HSPG2: variants seen among roughly 807,000 people sequenced by gnomAD.
HSPG2 encodes heparan sulfate proteoglycan 2.
In HSPG2, 278 loss-of-function variants were observed where a neutral mutation model predicts 526.6. That is an observed-to-expected ratio of 0.53 (90% CI 0.48 to 0.58). HSPG2 has a LOEUF of 0.58. Among genes scored for constraint, HSPG2 ranks in the 20% least tolerant of loss-of-function variants. The pLI, the probability that HSPG2 is intolerant of heterozygous loss-of-function variation, is 0.00. For synonymous variants in HSPG2, 2,465 were observed against 2,555.4 expected, an observed-to-expected ratio of 0.96 and a Z score of 1.07; for missense variants, 5,354 against 6,099.5, an observed-to-expected ratio of 0.88 and a Z score of 4.07.
Position 21,904,411 on chromosome 1 carries a change from G to A in HSPG2, c.64-8101C>T, listed in dbSNP as rs542235601. ...GGAAGCCTGGTGCAGCGGGACACGC[G>A]TGTGAGTGGCAGAGGAGTCAAAGGG... On this transcript the variant is annotated intron_variant, in intron 1 of 96. Transcript: ENST00000374695. This position sits in a 1 kb window ranked among gnomAD's most constrained non-coding sequence, Gnocchi z 4.4. Among the ~76,000 whole-genome samples the A allele has an allele frequency of 1.6e-4, 25 of 152,172 alleles. No homozygotes were observed. The highest frequency in any genetic ancestry group is 2.5e-4 in the Non-Finnish European group (17 of 68,030).
chr1:21,883,340 T>G (rs1641645067), intron 13 of HSPG2, among the ~76,000 whole-genome samples: 1 of 152,204 alleles, frequency 6.6e-6, no homozygotes. Context: ...TTTTTAGGGA[T>G]GGGGTCTCAC....
In HSPG2 at chr1:21,874,951, G is replaced by A. The variant is rs1320892158; in HGVS notation, c.3354C>T (p.Asp1118=). The change falls in exon 26 of 97, where the codon GAC becomes GAT. Residue 1118 remains aspartate (D), a synonymous_variant. Transcript: ENST00000374695. The part of the protein sequence containing the change: ...DVAVPEETGQ[D]PALEVEQCSC... ...AGCACTGTTCCACTTCCAGCGCGGG[G>A]TCCTGGCCGGTTTCCTCGGGCACAG... The A allele has an allele frequency of 1.2e-6, 2 of 1,611,774 alleles. No homozygotes were observed. The highest frequency in any genetic ancestry group is 4.5e-5 in the East Asian group (2 of 44,818).
chr1:21,864,047 C>G lies in HSPG2; in HGVS notation c.4740+53G>C. ...GCCTGCCTTGTCCAGCCCTGGTCCC[C>G]CACCCAGGCCCAGCTGAGCTGACCC... On this transcript the variant is annotated intron_variant, in intron 37 of 96. Coordinates refer to ENST00000374695, the MANE Select transcript of HSPG2 (RefSeq NM_005529.7). The surrounding 1 kb of genome is among the most constrained non-coding windows in gnomAD (Gnocchi z 4.8). The G allele has an allele frequency of 7.3e-7, 1 of 1,377,364 alleles. No individual in the cohort carries two copies. The highest frequency in any genetic ancestry group is 1.0e-6 in the Non-Finnish European group (1 of 990,160). The allele number at this position is 1,377,364 out of a possible 1,614,324, so 85.3% of individuals were successfully genotyped here.
At chr1:21,930,741 T>C (rs1157368677) in intron 1 of HSPG2, among the ~76,000 whole-genome samples, 1 of 150,858 alleles carries the variant, frequency 6.6e-6, no homozygotes, top group Admixed American at 6.6e-5. Flanking sequence ...ACCACTGCAC[T>C]CTAGCCTGGG....
intron 33 of HSPG2, among the ~76,000 whole-genome samples, chr1:21,868,536 ATAAT>A (rs1640412987): frequency 6.6e-6 from 1 of 152,224 alleles, no homozygotes; most frequent in African/African-American, 2.4e-5. Flanking sequence ...CACACAGTAA[ATAAT>A]TAATGCTTCT....
intron 1 of HSPG2, among the ~76,000 whole-genome samples, chr1:21,920,108 T>C (rs1265852387): frequency 2.0e-5 from 3 of 152,210 alleles, no homozygotes; most frequent in Admixed American, 6.5e-5. Context: ...GGTTTCACCA[T>C]GTTGGCCAGG....
Position 21,831,782 on chromosome 1 carries a change from G to A in HSPG2, c.11222C>T (p.Ser3741Leu), listed in dbSNP as rs1161800502. The change falls in exon 82 of 97, where the codon TCA becomes TTA. Residue 3741 changes from serine (S) to leucine (L), a missense_variant. Ser to Leu is a moderately radical substitution (Grantham distance 145). Transcript: ENST00000374695. ...GRPEFRFDAGSGMATIRHPTP... is the reference protein window; with the variant it reads ...GRPEFRFDAGLGMATIRHPTP... ...GGGATGGCGGATGGTGGCCATGCCTGAGCCTGCATCGAACCTGCTCCGTGG... is the reference window on the plus strand; with the variant it reads ...GGGATGGCGGATGGTGGCCATGCCTAAGCCTGCATCGAACCTGCTCCGTGG... The A allele has an allele frequency of 2.5e-6, 4 of 1,601,944 alleles. No individual in the cohort carries two copies. Among genetic ancestry groups the A allele is most frequent in the Non-Finnish European group, 3.4e-6 (4 of 1,171,792 alleles).
At chr1:21,929,986 G>C (rs969340476) in intron 1 of HSPG2, among the ~76,000 whole-genome samples, 1 of 151,996 alleles carries the variant, frequency 6.6e-6, no homozygotes, top group Non-Finnish European at 1.5e-5. Context: ...ATGGAACACC[G>C]GGCCCCTTCA....
chr1:21,935,010 G>A (rs995161363), intron 1 of HSPG2, among the ~76,000 whole-genome samples: 3 of 151,190 alleles, frequency 2.0e-5, no homozygotes, highest in Non-Finnish European at 4.4e-5. Context: ...GGGTTCAAGC[G>A]ATTCTCCTGC....
chr1:21,889,826 C>G (rs962317524), intron 6 of HSPG2, 155 bp downstream of exon 6: 4 of 797,220 alleles, frequency 5.0e-6, no homozygotes, highest in Non-Finnish European at 8.7e-6. Context: ...TCTACCAAGC[C>G]AAGATTGTGT....
intron 1 of HSPG2, among the ~76,000 whole-genome samples, chr1:21,925,206 G>A (rs1218741724): frequency 3.3e-5 from 5 of 152,218 alleles, no homozygotes; most frequent in African/African-American, 1.2e-4. Flanking sequence ...CAAACAATGA[G>A]CGCGATGTCA....
chr1:21,830,601 A>G, intron 85 of HSPG2: 1 of 296,164 alleles, frequency 3.4e-6, no homozygotes, highest in Non-Finnish European at 6.4e-6. Context: ...GAGGCAGGAG[A>G]ATCGCTTGAA....
chr1:21,878,213 C>T lies in HSPG2; in HGVS notation c.2658G>A (p.Gly886=). The stretch of plus-strand genomic sequence containing the variant: ...TACAGCGGCAGGCCTCCCCGGAGGT[C>T]CCCATGCTGCCACGCTCGTCACAGC... ...IVRCDERGSM[G]TSGEACRCKN... The change falls in exon 21 of 97, where the codon GGG becomes GGA. Residue 886 remains glycine, a synonymous_variant. Transcript: ENST00000374695. The T allele has an allele frequency of 6.2e-7, 1 of 1,613,704 alleles. No individual in the cohort carries two copies. Among genetic ancestry groups the T allele is most frequent in the Non-Finnish European group, 8.5e-7 (1 of 1,179,968 alleles).
chr1:21,830,060 G>A lies in HSPG2; in HGVS notation c.11703C>T (p.Asn3901=). Residue 3901 remains asparagine, a synonymous_variant, in exon 86 of 97, where the codon AAC becomes AAT. Transcript: ENST00000374695. ...EACGPDATCV[N]RPDGRGYTCR... is the part of the protein sequence containing the mutation. The stretch of plus-strand genomic sequence containing the variant: ...AGGTGTAGCCTCGACCGTCAGGCCG[G>A]TTCACACAGGTGGCGTCGGGCCCAC... 1 of 1,603,752 alleles carries A rather than the reference G, an allele frequency of 6.2e-7. No homozygotes were observed.
At position 21,839,346 on chromosome 1, in the gene HSPG2, A is replaced by C. The variant is rs771941827; in HGVS notation, c.9889+25T>G. 1.0e-5 allele frequency: 16 copies of C among 1,606,778 alleles called. No homozygotes were observed. The highest frequency in any genetic ancestry group is 7.6e-6 in the Non-Finnish European group (9 of 1,179,260). ...GGGGGCTCAGATCTCCATTTGGTGC[A>C]GACAAAGAAGGGATGAGGCCTTACT... is the stretch of plus-strand genomic sequence containing the variant. On this transcript the variant is annotated intron_variant, in intron 73 of 96. Transcript: ENST00000374695. This position sits in a 1 kb window ranked among gnomAD's most constrained non-coding sequence, Gnocchi z 4.5.
rs139855779 is a variant in HSPG2 at position 21,844,188 on chromosome 1, G to C, written c.8576C>G (p.Thr2859Arg). The change falls in exon 65 of 97, where the codon ACG (threonine) becomes AGG (arginine). Residue 2859 changes from threonine (T) to arginine (R), a missense_variant. Transcript: ENST00000374695. The part of the protein sequence containing the change: ...VVPGQAHAQV[T>R]WHKRGGNLPA... ...GAGGTTTCCTCCACGCTTGTGCCAC[G>C]TGACCTGGGCGTGGGCCTGCCCGGG... The C allele has an allele frequency of 1.2e-6, 2 of 1,613,778 alleles. No homozygotes were observed. The highest frequency in any genetic ancestry group is 4.5e-5 in the East Asian group (2 of 44,882).
chr1:21,832,149 AGAATACACC>A (rs2098007059), intron 81 of HSPG2, among the ~76,000 whole-genome samples: 1 of 152,130 alleles, frequency 6.6e-6, no homozygotes, highest in Admixed American at 6.5e-5. Flanking sequence ...TTCCCCAGTG[AGAATACACC>A]TCTTCCCACA....
intron 42 of HSPG2, 125 bp from the exon 43 acceptor site, chr1:21,857,510 C>T (rs1639435071): frequency 2.4e-6 from 2 of 840,640 alleles, no homozygotes; most frequent in African/African-American, 1.7e-5. Flanking sequence ...TCTCATTCTA[C>T]CCCCTGGCAC....
intron 1 of HSPG2, among the ~76,000 whole-genome samples, chr1:21,929,257 C>T (rs1644286671): frequency 6.6e-6 from 1 of 152,194 alleles, no homozygotes; most frequent in African/African-American, 2.4e-5. Flanking sequence ...AGCAAGATCC[C>T]CTCCGCCTAC....
Sources: allele counts gnomAD v4.1 joint callset (sites outside exome capture counted in the v4.1 genomes callset), GRCh38; gene constraint gnomAD v4.1.1; non-coding constraint Gnocchi (gnomAD v3.1); transcripts MANE v1.5; gene names NCBI Gene and HGNC (gene_info 2026-07-23, HGNC 2026-07-21).